Variants in STXBP6 observed in about 807,000 individuals in gnomAD.
The protein encoded by STXBP6 is syntaxin binding protein 6.
In STXBP6, 21 loss-of-function variants were observed where a neutral mutation model predicts 26.9. The observed-to-expected ratio is 0.78, with a 90% CI of 0.55 to 1.12. STXBP6 has a LOEUF of 1.12. Among genes scored for constraint, STXBP6 ranks in the 50% most tolerant of loss-of-function variants. The pLI, the probability that STXBP6 is intolerant of heterozygous loss-of-function variation, is 0.00. For missense variants in STXBP6, 232 were observed against 257.9 expected (o/e 0.90, Z 0.69); for synonymous variants, 97 against 92.6 (o/e 1.05, Z -0.27).
At chr14:24,941,767 T>C (rs2072811054) in intron 2 of STXBP6, among the ~76,000 whole-genome samples, 1 of 152,252 alleles carries the variant, frequency 6.6e-6, no homozygotes, top group South Asian at 2.1e-4. Context: ...CTTTCTTCTT[T>C]GGCTCCTTCC....
chr14:24,976,554 G>C (rs942895787), intron 1 of STXBP6, among the ~76,000 whole-genome samples: 1 of 152,074 alleles, frequency 6.6e-6, no homozygotes, highest in African/African-American at 2.4e-5. Context: ...CAGTGGAGGG[G>C]GACCTGTTTT....
intron 1 of STXBP6, among the ~76,000 whole-genome samples, chr14:25,016,130 C>T (rs550131081): frequency 5.3e-5 from 8 of 152,258 alleles, no homozygotes; most frequent in Admixed American, 2.0e-4. Context: ...ACACCATGCA[C>T]GCTCAATAAA....
At chr14:24,838,262 C>T (rs984651922) in intron 4 of STXBP6, among the ~76,000 whole-genome samples, 6 of 152,288 alleles carry the variant, frequency 3.9e-5, no homozygotes, top group East Asian at 1.9e-4. Context: ...CTACCCAACT[C>T]GGCCTCCCAA....
intron 1 of STXBP6, among the ~76,000 whole-genome samples, chr14:25,022,047 A>G (rs1415995463): frequency 6.6e-6 from 1 of 152,242 alleles, no homozygotes; most frequent in Non-Finnish European, 1.5e-5. Flanking sequence ...TTTCTATGTG[A>G]AAACTCACAA....
intron 2 of STXBP6, among the ~76,000 whole-genome samples, chr14:24,922,358 C>T (rs1300721121): frequency 2.0e-5 from 3 of 152,100 alleles, no homozygotes; most frequent in Admixed American, 6.6e-5. Flanking sequence ...CATCATACCA[C>T]GTTTTAATTC....
intron 2 of STXBP6, among the ~76,000 whole-genome samples, chr14:24,885,685 C>T (rs2070556852): frequency 6.6e-6 from 1 of 152,206 alleles, no homozygotes; most frequent in African/African-American, 2.4e-5. Context: ...TTGCCTTCTC[C>T]CTGAAATCCT....
At chr14:24,821,079 A>G (rs1476971378) in intron 4 of STXBP6, among the ~76,000 whole-genome samples, 2 of 152,200 alleles carry the variant, frequency 1.3e-5, no homozygotes, top group Admixed American at 6.5e-5. Context: ...GAAGAGGCCA[A>G]TGGGGTGGAA....
intron 4 of STXBP6, among the ~76,000 whole-genome samples, chr14:24,829,273 G>A (rs1474761040): frequency 6.6e-6 from 1 of 152,086 alleles, no homozygotes; most frequent in Non-Finnish European, 1.5e-5. Context: ...TTTTGCATAT[G>A]TCTTGTCTGT....
chr14:25,021,242 A>T (rs1399507606), intron 1 of STXBP6, among the ~76,000 whole-genome samples: 1 of 152,062 alleles, frequency 6.6e-6, no homozygotes, highest in African/African-American at 2.4e-5. Flanking sequence ...ATCTTAGGCC[A>T]ACCACTCCAT....
intron 2 of STXBP6, among the ~76,000 whole-genome samples, chr14:24,894,705 T>TATAGAC (rs1566452333): frequency 6.6e-6 from 1 of 152,020 alleles, no homozygotes; most frequent in East Asian, 1.9e-4. Flanking sequence ...TTAACTTTTC[T>TATAGAC]CTATAGACAA....
intron 2 of STXBP6, among the ~76,000 whole-genome samples, chr14:24,969,044 A>G (rs7141943): frequency 0.52 from 78,646 of 152,036 alleles, 22,941 homozygotes; most frequent in African/African-American, 0.81. Flanking sequence ...CAATCACTGA[A>G]ATAAAGGGCA....
intron 2 of STXBP6, among the ~76,000 whole-genome samples, chr14:24,871,062 GTTT>G (rs572280764): frequency 1.4e-5 from 2 of 145,286 alleles, no homozygotes; most frequent in Admixed American, 6.9e-5. Flanking sequence ...TTTGAAACAT[GTTT>G]TTTTTTTTTC....
chr14:24,914,654 C>G (rs1405994937), intron 2 of STXBP6, among the ~76,000 whole-genome samples: 2 of 152,182 alleles, frequency 1.3e-5, no homozygotes, highest in East Asian at 3.9e-4. Context: ...CTCCCTGTTA[C>G]AGCTGTCTAT....
intron 2 of STXBP6, among the ~76,000 whole-genome samples, chr14:24,959,726 AAAAAGGTGAAGGCACTAGCCCAAATGG>A (rs1412933975): frequency 6.6e-6 from 1 of 152,376 alleles, no homozygotes; most frequent in Non-Finnish European, 1.5e-5. Flanking sequence ...AATTATGTGC[AAAAAGGTGAAGGCACTAGCCCAAATGG>A]AATTGCTCAT....
At position 24,890,768 on chromosome 14, in the gene STXBP6, C is replaced by T. The variant is rs1407770817; in HGVS notation, c.155-33611G>A. On this transcript the variant is annotated intron_variant, in intron 2 of 5. Coordinates refer to ENST00000323944, the MANE Select transcript of STXBP6 (RefSeq NM_001394410.1). ...TGAAATAAATTGAAACAGTATTAAA[C>T]AGGAAATTCAAGGCAGAGTTAGCCC... is the stretch of plus-strand genomic sequence containing the variant. Among the ~76,000 whole-genome samples, 8 of 152,254 alleles carry T rather than the reference C, an allele frequency of 5.3e-5. No individual in the cohort carries two copies. The South Asian group carries it at 1.5e-3, about 28-fold the overall frequency.
intron 2 of STXBP6, among the ~76,000 whole-genome samples, chr14:24,971,320 T>C (rs147586831): frequency 1.8e-4 from 27 of 152,346 alleles, no homozygotes; most frequent in African/African-American, 5.8e-4. Flanking sequence ...GCTTTTAAAG[T>C]AGTGATACTT....
chr14:24,945,363 C>G (rs965656035), intron 2 of STXBP6, among the ~76,000 whole-genome samples: 4 of 151,422 alleles, frequency 2.6e-5, no homozygotes, highest in Non-Finnish European at 5.9e-5. Flanking sequence ...GCCAAGAGTT[C>G]AAGACTAGCC....
At chr14:25,014,587 C>T (rs1595318742) in intron 1 of STXBP6, among the ~76,000 whole-genome samples, 7 of 152,206 alleles carry the variant, frequency 4.6e-5, no homozygotes, top group Admixed American at 2.0e-4. Flanking sequence ...ACTCAGCTAC[C>T]GTGCAAGGCA....
intron 4 of STXBP6, among the ~76,000 whole-genome samples, chr14:24,847,939 A>C (rs902531341): frequency 6.6e-6 from 1 of 152,184 alleles, no homozygotes; most frequent in Non-Finnish European, 1.5e-5. Context: ...AAAGCATAGC[A>C]AACAACTCAG....
Sources: allele counts gnomAD v4.1 joint callset (sites outside exome capture counted in the v4.1 genomes callset), GRCh38; gene constraint gnomAD v4.1.1; transcripts MANE v1.5; gene names NCBI Gene and HGNC (gene_info 2026-07-23, HGNC 2026-07-21).